MYT1L: variants seen among roughly 807,000 people sequenced by gnomAD.
MYT1L encodes the protein myelin transcription factor 1-like protein.
MYT1L carries 12 observed loss-of-function variants against 126.7 expected under a neutral mutation model. The observed-to-expected ratio is 0.09, with a 90% confidence interval of 0.06 to 0.15. MYT1L has a LOEUF of 0.15. Ranked by LOEUF, MYT1L falls within the 10% of genes least tolerant of loss-of-function variation. MYT1L has a pLI of 1.00. For synonymous variants in MYT1L, 541 were observed against 604.2 expected (o/e 0.90, Z 1.53); for missense variants, 979 against 1,585.2 (o/e 0.62, Z 6.49).
At chr2:2,032,344 T>G (rs1300026279) in intron 4 of MYT1L, among the ~76,000 whole-genome samples, 2 of 103,384 alleles carry the variant, frequency 1.9e-5, no homozygotes, top group Non-Finnish European at 3.8e-5. Flanking sequence ...AAGGAGGGCC[T>G]TATACACACA....
intron 19 of MYT1L, among the ~76,000 whole-genome samples, chr2:1,847,750 A>AT (rs2042693473): frequency 6.6e-6 from 1 of 152,232 alleles, no homozygotes; most frequent in South Asian, 2.1e-4. Context: ...CTTTGTAGGC[A>AT]TTTGGTCAAC....
intron 2 of MYT1L, among the ~76,000 whole-genome samples, chr2:2,197,290 A>T (rs910742689): frequency 3.9e-5 from 6 of 152,182 alleles, no homozygotes; most frequent in African/African-American, 1.4e-4. Context: ...CTACTATGAG[A>T]TAATAATAAA....
At chr2:2,230,906 CT>C (rs34527850) in intron 2 of MYT1L, among the ~76,000 whole-genome samples, 2,943 of 152,268 alleles carry the variant, frequency 0.019, 120 homozygotes, top group East Asian at 0.15. Flanking sequence ...TGCCCTGAGC[CT>C]GGACAGGAGT....
At position 1,889,865 on chromosome 2, in the gene MYT1L, C is replaced by A. The variant is rs1001809587; in HGVS notation, c.2284-388G>T. The stretch of plus-strand genomic sequence containing the variant: ...TTTAATTTTATTACCGTTGCAAATA[C>A]CTAAGAGATAAAAATTTTGTGTGTA... On this transcript the variant is annotated intron_variant, in intron 15 of 24. Transcript: ENST00000647738. The surrounding 1 kb of genome is among the most constrained non-coding windows in gnomAD (Gnocchi z 4.1). 6.6e-6 allele frequency among the ~76,000 whole-genome samples: 1 copy of A among 151,938 alleles called. No homozygotes were observed. Among genetic ancestry groups the A allele is most frequent in the African/African-American group, 2.4e-5 (1 of 41,346 alleles).
chr2:2,314,942 A>C (rs537928472), intron 1 of MYT1L, among the ~76,000 whole-genome samples: 34 of 152,366 alleles, frequency 2.2e-4, no homozygotes, highest in African/African-American at 8.2e-4. Flanking sequence ...TTCCCTACTT[A>C]GTAAATGGTG....
At chr2:2,171,695 C>A (rs2090081260) in intron 3 of MYT1L, among the ~76,000 whole-genome samples, 1 of 152,110 alleles carries the variant, frequency 6.6e-6, no homozygotes, top group Non-Finnish European at 1.5e-5. Flanking sequence ...CAAACGGAAC[C>A]AATGAGTGCA....
chr2:2,211,692 C>T (rs893468598), intron 2 of MYT1L, among the ~76,000 whole-genome samples: 2 of 151,564 alleles, frequency 1.3e-5, no homozygotes, highest in African/African-American at 4.9e-5. Context: ...CTAGTCCCAG[C>T]TACTCAGGAG....
intron 18 of MYT1L, among the ~76,000 whole-genome samples, chr2:1,864,924 T>G (rs73186610): frequency 0.16 from 23,951 of 152,190 alleles, 2,688 homozygotes; most frequent in African/African-American, 0.31. Flanking sequence ...AGCTGGGAGC[T>G]GGGGCTCAGC....
intron 5 of MYT1L, among the ~76,000 whole-genome samples, chr2:1,983,010 G>C (rs750516240): frequency 2.0e-5 from 3 of 152,184 alleles, no homozygotes; most frequent in Non-Finnish European, 4.4e-5. Flanking sequence ...CATCCTTTCA[G>C]TATTTTTTAT....
chr2:2,235,718 C>T (rs533687344), intron 2 of MYT1L, among the ~76,000 whole-genome samples: 1 of 152,278 alleles, frequency 6.6e-6, no homozygotes, highest in Admixed American at 6.5e-5. Context: ...ACATCACTGC[C>T]TTGGTCATGT....
chr2:1,902,996 C>G (rs2050557230), intron 14 of MYT1L, 84 bp downstream of exon 14: 1 of 1,320,028 alleles, frequency 7.6e-7, no homozygotes, highest in Non-Finnish European at 1.1e-6. Flanking sequence ...CACCGCTCAA[C>G]TAATTTGTAG....
At chr2:1,937,012 TA>T (rs1186923654) in intron 9 of MYT1L, among the ~76,000 whole-genome samples, 2 of 152,096 alleles carry the variant, frequency 1.3e-5, no homozygotes, top group Admixed American at 6.5e-5. Context: ...GAATTCCCTT[TA>T]AAAAAGAAGG....
In MYT1L at chr2:1,906,268, G is replaced by T. The variant is rs546611825; in HGVS notation, c.1818-2974C>A. ...CATATTTTATGCTTCCATTTTACAT[G>T]AGATTTAATTTCCCTTTTTGTTTCT... On this transcript the variant is annotated intron_variant, in intron 13 of 24. Transcript: ENST00000647738. Among the ~76,000 whole-genome samples, 281 of 152,204 alleles carry T rather than the reference G, an allele frequency of 1.8e-3. 2 individuals are homozygous for T. The highest frequency in any genetic ancestry group is 6.9e-3 in the Middle Eastern group (2 of 290).
At position 2,010,884 on chromosome 2, in the gene MYT1L, T is replaced by G. The variant is rs144216135; in HGVS notation, c.-157-13537A>C. Among the ~76,000 whole-genome samples, 501 of 152,278 alleles carry G rather than the reference T, an allele frequency of 3.3e-3. 5 individuals are homozygous for G. Among genetic ancestry groups the G allele is most frequent in the Admixed American group, 7.1e-3 (108 of 15,298 alleles). On this transcript the variant is annotated intron_variant, in intron 4 of 24. Coordinates refer to ENST00000647738, the MANE Select transcript of MYT1L (RefSeq NM_001303052.2). ...ACTCACGCGTCTACTGTCAACAGAC[T>G]CTTCACAGGGGTGCCGGGGCTAGTC...
chr2:2,047,183 G>A (rs2068286208), intron 4 of MYT1L, among the ~76,000 whole-genome samples: 2 of 152,084 alleles, frequency 1.3e-5, no homozygotes, highest in Admixed American at 1.3e-4. Context: ...TTTTGACTCA[G>A]CAAGATTTAT....
At chr2:1,885,709 T>C (rs1350661081) in intron 18 of MYT1L, among the ~76,000 whole-genome samples, 2 of 152,198 alleles carry the variant, frequency 1.3e-5, no homozygotes, top group African/African-American at 4.8e-5. Context: ...GTCCGATAAT[T>C]TAAATCGATT....
chr2:2,087,198 C>G (rs984282724), intron 3 of MYT1L, among the ~76,000 whole-genome samples: 1 of 152,092 alleles, frequency 6.6e-6, no homozygotes, highest in African/African-American at 2.4e-5. Context: ...ACGGGAGTCC[C>G]CCTGATTACA....
chr2:1,903,083 C>T lies in MYT1L; in HGVS notation c.2029G>A (p.Asp677Asn). The part of the protein sequence containing the change: ...TRDISPKGYD[D>N]AKRYCKDPSP... ...TATAAGAGTGTGCACCTCCTACCAT[C>T]ATCATATCCTTTGGGGGATATATCC... Residue 677 changes from aspartate to asparagine, a missense_variant, in exon 14 of 25, where the codon GAT (aspartate) becomes AAT (asparagine). Physicochemically the swap from Asp to Asn is conservative, Grantham distance 23. This residue lies in a region of MYT1L where 57 missense variants were observed against 60.3 expected (regional missense o/e 0.94). Coordinates refer to ENST00000647738, the MANE Select transcript of MYT1L (RefSeq NM_001303052.2). 6.2e-7 allele frequency: 1 copy of T among 1,612,844 alleles called. No individual in the cohort carries two copies. The highest frequency in any genetic ancestry group is 8.5e-7 in the Non-Finnish European group (1 of 1,178,834).
chr2:1,946,376 C>T (rs1376934873), intron 8 of MYT1L, among the ~76,000 whole-genome samples: 1 of 152,096 alleles, frequency 6.6e-6, no homozygotes, highest in Non-Finnish European at 1.5e-5. Context: ...CTCTCCACCC[C>T]CAAACCATGG....
Sources: gnomAD v4.1 joint callset for allele counts (sites outside exome capture counted in the v4.1 genomes callset) on GRCh38, gnomAD v4.1.1 for gene constraint, gnomAD v4.1.1 regional missense constraint, Gnocchi (gnomAD v3.1) non-coding constraint, MANE v1.5 for transcripts, NCBI Gene and HGNC (gene_info 2026-07-23, HGNC 2026-07-21) for gene names.